MYNN: variants seen among roughly 807,000 people sequenced by gnomAD.
MYNN encodes the protein zinc finger and BTB domain-containing protein 31.
MYNN carries 22 observed loss-of-function variants against 57.2 expected under a neutral mutation model. That is an observed-to-expected ratio of 0.38 (90% CI 0.27 to 0.55). The LOEUF is 0.55. Ranked by LOEUF, MYNN falls within the 20% of genes least tolerant of loss-of-function variation. The pLI is 0.71. For missense variants in MYNN, 566 were observed against 723.1 expected (o/e 0.78, Z 2.49); for synonymous variants, 241 against 257.1 (o/e 0.94, Z 0.60).
intron 1 of MYNN, 45 bp from the exon 2 acceptor site, chr3:169,774,220 T>G: frequency 1.2e-4 from 171 of 1,455,060 alleles, no homozygotes; most frequent in Middle Eastern, 3.6e-4. Flanking sequence ...TGAACGTTGA[T>G]GAGAACTTAC....
At chr3:169,785,839 C>T (rs971385092) in intron 7 of MYNN, among the ~76,000 whole-genome samples, 2 of 152,028 alleles carry the variant, frequency 1.3e-5, no homozygotes, top group African/African-American at 4.8e-5. Flanking sequence ...GGCAAAAGTA[C>T]ATCTTTAGTC....
intron 2 of MYNN, among the ~76,000 whole-genome samples, chr3:169,774,787 C>T (rs183493803): frequency 6.6e-6 from 1 of 152,298 alleles, no homozygotes; most frequent in African/African-American, 2.4e-5. Flanking sequence ...CGTTTATTTA[C>T]TGAAACAAAG....
chr3:169,782,361 C>T lies in MYNN; in HGVS notation c.1221-104C>T. On this transcript the variant is annotated intron_variant, in intron 4 of 7. Transcript: ENST00000349841. This position sits in a 1 kb window ranked among gnomAD's most constrained non-coding sequence, Gnocchi z 4.8. ...CTGATTTTAAATACATAGTCTTGGC[C>T]TGTTAAGATGACATGAAATAAAATC... is the stretch of plus-strand genomic sequence containing the variant. 1 of 885,704 alleles carries T rather than the reference C, an allele frequency of 1.1e-6. No individual in the cohort carries two copies. Among genetic ancestry groups the T allele is most frequent in the Non-Finnish European group, 1.7e-6 (1 of 591,764 alleles). The allele number at this position is 885,704 out of a possible 1,614,324, so 54.9% of individuals were successfully genotyped here.
intron 7 of MYNN, among the ~76,000 whole-genome samples, chr3:169,785,585 G>C (rs1778653619): frequency 6.6e-6 from 1 of 152,016 alleles, no homozygotes; most frequent in Non-Finnish European, 1.5e-5. Flanking sequence ...TAACTTGAAG[G>C]ATGGAGAAGA....
intron 4 of MYNN, among the ~76,000 whole-genome samples, chr3:169,781,093 C>G (rs1778499199): frequency 6.6e-6 from 1 of 152,038 alleles, no homozygotes; most frequent in African/African-American, 2.4e-5. Context: ...GTGGTTCAGG[C>G]CAGGGTGGCA....
intron 1 of MYNN, chr3:169,773,960 T>A (rs753509538): frequency 3.7e-6 from 1 of 267,714 alleles, no homozygotes; most frequent in African/African-American, 2.2e-5. Flanking sequence ...AACATAAGTA[T>A]GTCTACTGAG....
rs958956272 is a variant in MYNN at position 169,786,287 on chromosome 3, A to G, written c.1571-129A>G. ...ATAGTGAGGAGGGCATATGTACAAAAGAGAAACCGCTTGAGTAAAGGTATG... is the reference window on the plus strand; with the variant it reads ...ATAGTGAGGAGGGCATATGTACAAAGGAGAAACCGCTTGAGTAAAGGTATG... On this transcript the variant is annotated intron_variant, in intron 7 of 7. Coordinates refer to ENST00000349841, the MANE Select transcript of MYNN (RefSeq NM_018657.5). 10 of 880,588 alleles carry G rather than the reference A, an allele frequency of 1.1e-5. No individual in the cohort carries two copies. In the East Asian group the frequency reaches 2.6e-4, roughly 23 times the overall value. 54.5% of individuals were successfully genotyped at this position (880,588 alleles called of 1,614,324 possible).
intron 6 of MYNN, chr3:169,783,918 G>C: frequency 8.1e-6 from 2 of 246,036 alleles, no homozygotes; most frequent in Non-Finnish European, 1.6e-5. Flanking sequence ...CAATTTTTAG[G>C]AACAAATTTT....
chr3:169,775,875 C>T (rs1041616313), intron 2 of MYNN, among the ~76,000 whole-genome samples: 3 of 152,078 alleles, frequency 2.0e-5, no homozygotes, highest in Non-Finnish European at 4.4e-5. Context: ...ATTTAAAAAT[C>T]TAGAATCAGG....
chr3:169,776,106 A>C (rs184784660), intron 2 of MYNN, among the ~76,000 whole-genome samples: 1 of 152,336 alleles, frequency 6.6e-6, no homozygotes, highest in Admixed American at 6.5e-5. Context: ...TCTCTCAATT[A>C]ACTATGCAAA....
intron 7 of MYNN, 23 bp from the exon 8 acceptor site, chr3:169,786,393 A>AT (rs746732761): frequency 1.3e-3 from 2,056 of 1,583,464 alleles, no homozygotes; most frequent in Non-Finnish European, 1.6e-3. Context: ...GATAATGTAG[A>AT]TTTTTTTTTC....
At chr3:169,783,291 T>A (rs1225025040) in intron 5 of MYNN, among the ~76,000 whole-genome samples, 186 bp from the exon 6 acceptor site, 1 of 152,060 alleles carries the variant, frequency 6.6e-6, no homozygotes, top group African/African-American at 2.4e-5. Context: ...ATATGAAAAC[T>A]TATGAACAGT....
In MYNN at chr3:169,779,207, G is replaced by A. The variant is rs536906238; in HGVS notation, c.706G>A (p.Glu236Lys). 1.5e-5 allele frequency: 24 copies of A among 1,614,128 alleles called. No homozygotes were observed. The African/African-American group carries it at 2.1e-4, about 14-fold the overall frequency. ...VAQINDNSEL[E>K]LTSVVENTFP... Reference sequence around the variant, plus strand: ...ACAAATAAATGATAATTCAGAACTCGAGTTGACATCAGTTGTGGAAAATAC... The same window carrying A: ...ACAAATAAATGATAATTCAGAACTCAAGTTGACATCAGTTGTGGAAAATAC... The change falls in exon 3 of 8, where the codon GAG becomes AAG. Residue 236 changes from glutamate (E) to lysine (K), a missense_variant. Around this residue, in one of 4 missense-constraint regions of MYNN, gnomAD observed 261 missense variants for 280.8 expected, o/e 0.93. Transcript: ENST00000349841.
intron 2 of MYNN, among the ~76,000 whole-genome samples, chr3:169,777,019 A>C (rs1560585927): frequency 6.6e-6 from 1 of 152,088 alleles, no homozygotes; most frequent in East Asian, 1.9e-4. Flanking sequence ...CTGCTAACTT[A>C]TATTGGTCTT....
At chr3:169,774,642 C>T in intron 2 of MYNN, 81 bp downstream of exon 2, 1 of 1,322,148 alleles carries the variant, frequency 7.6e-7, no homozygotes, top group Non-Finnish European at 1.0e-6. Flanking sequence ...TTTTTCCATT[C>T]ATTCTCTGAA....
At chr3:169,779,960 A>C (rs1778460991) in intron 3 of MYNN, 1 of 191,298 alleles carries the variant, frequency 5.2e-6, no homozygotes, top group East Asian at 1.3e-4. Flanking sequence ...GGAATTACAC[A>C]TACAGTGTTC....
chr3:169,785,479 CTAAA>C (rs1302367326), intron 7 of MYNN, among the ~76,000 whole-genome samples: 4 of 151,812 alleles, frequency 2.6e-5, no homozygotes, highest in Non-Finnish European at 4.4e-5. Flanking sequence ...ATTAAATAAA[CTAAA>C]TAAATAGGGA....
intron 6 of MYNN, chr3:169,783,945 T>C (rs1778596120): frequency 3.7e-6 from 1 of 269,586 alleles, no homozygotes; most frequent in African/African-American, 2.3e-5. Flanking sequence ...GACATGCTTA[T>C]TGTAAAAAGT....
At position 169,779,358 on chromosome 3, in the gene MYNN, C is replaced by T. The variant is rs141609462; in HGVS notation, c.857C>T (p.Ala286Val). ...GCCAGCGTCAAGAGTCCTTATGAGG[C>T]GGAGAACTCCGGGGAAGAGCTGGAT... ...NIASVKSPYEAENSGEELDQR... is the reference protein window; with the variant it reads ...NIASVKSPYEVENSGEELDQR... The change falls in exon 3 of 8, where the codon GCG (alanine) becomes GTG (valine). Residue 286 changes from alanine (A) to valine (V), a missense_variant. Physicochemically the swap from Ala to Val is moderately conservative, Grantham distance 64. Transcript: ENST00000349841. The T allele has an allele frequency of 3.3e-4, 533 of 1,614,142 alleles. No individual in the cohort carries two copies. Among genetic ancestry groups the T allele is most frequent in the Non-Finnish European group, 4.1e-4 (481 of 1,180,038 alleles).
Sources: gnomAD v4.1 joint callset for allele counts (sites outside exome capture counted in the v4.1 genomes callset) on GRCh38, gnomAD v4.1.1 for gene constraint, gnomAD v4.1.1 regional missense constraint, Gnocchi (gnomAD v3.1) non-coding constraint, MANE v1.5 for transcripts, NCBI Gene and HGNC (gene_info 2026-07-23, HGNC 2026-07-21) for gene names.